TARS1: variants seen among roughly 807,000 people sequenced by gnomAD.
The protein encoded by TARS1 is threonyl-tRNA synthetase 1, also known as threonine--tRNA ligase 1, cytoplasmic.
A neutral mutation model predicts 97.7 loss-of-function variants in TARS1; 57 were observed. The ratio of observed to expected loss-of-function variants is 0.58; its 90% confidence interval spans 0.47 to 0.73. TARS1 has a LOEUF of 0.73. TARS1 is among the 30% of genes least tolerant of loss of function. TARS1 has a pLI of 0.00. For synonymous variants in TARS1, 312 were observed against 293.7 expected (o/e 1.06, Z -0.64); for missense variants, 806 against 888.3 (o/e 0.91, Z 1.18).
Position 33,441,000 on chromosome 5 carries a change from G to A in TARS1, c.-87G>A. On this transcript the variant is annotated 5_prime_UTR_variant, in exon 1 of 19. Coordinates refer to ENST00000265112, the MANE Select transcript of TARS1 (RefSeq NM_152295.5). ...GCTGGTCCAGCCGAGGCCAAGTCCCGGGCGCTAGCCCACCTCCCACCCGCC... is the reference window on the plus strand; with the variant it reads ...GCTGGTCCAGCCGAGGCCAAGTCCCAGGCGCTAGCCCACCTCCCACCCGCC... 1.3e-6 allele frequency: 2 copies of A among 1,563,726 alleles called. No individual in the cohort carries two copies. Among genetic ancestry groups the A allele is most frequent in the Non-Finnish European group, 1.8e-6 (2 of 1,140,026 alleles).
In TARS1 at chr5:33,458,681, GCTTT is replaced by G; in HGVS notation, c.1083+21_1083+24del. On this transcript the variant is annotated intron_variant, in intron 10 of 18. Coordinates refer to ENST00000265112, the MANE Select transcript of TARS1 (RefSeq NM_152295.5). ...TTCATTAGGGTAAGTCATATTTATT[GCTTT>G]CTTCTTTAGATTTAGGATATGTGAT... 6.4e-7 allele frequency: 1 copy of G among 1,572,840 alleles called. No individual in the cohort carries two copies. Among genetic ancestry groups the G allele is most frequent in the Non-Finnish European group, 8.7e-7 (1 of 1,150,748 alleles).
chr5:33,445,316 T>G lies in TARS1; in HGVS notation c.58-8T>G, dbSNP rs1466434887. On this transcript the variant is annotated splice_polypyrimidine_tract_variant and splice_region_variant and intron_variant, in intron 1 of 18. Coordinates refer to ENST00000265112, the MANE Select transcript of TARS1 (RefSeq NM_152295.5). ...GATTAAAATATAAAACGTTTTTTGC[T>G]TATTTAGATTGGTGCTGGTGAAGAG... 6.2e-7 allele frequency: 1 copy of G among 1,607,444 alleles called. No individual in the cohort carries two copies.
intron 5 of TARS1, 92 bp downstream of exon 5, chr5:33,455,158 A>G: frequency 2.0e-6 from 3 of 1,477,298 alleles, no homozygotes; most frequent in Non-Finnish European, 1.8e-6. Flanking sequence ...GGAATGATAT[A>G]GATCTCACTG....
At chr5:33,443,847 A>G (rs1275599505) in intron 1 of TARS1, among the ~76,000 whole-genome samples, 1 of 152,202 alleles carries the variant, frequency 6.6e-6, no homozygotes, top group Non-Finnish European at 1.5e-5. Flanking sequence ...CTTCTGCAGT[A>G]TAACAAAGGC....
upstream of TARS1, chr5:33,440,878 G>A: frequency 1.2e-5 from 7 of 601,944 alleles, no homozygotes; most frequent in Non-Finnish European, 2.1e-5. Context: ...TTTTCCACTG[G>A]CTTAGAGGAG....
At position 33,457,412 on chromosome 5, in the gene TARS1, A is replaced by T. The variant is rs2111560740; in HGVS notation, c.984+9A>T. ...ATAGGAAAATTGGCAGGGTATGTTC[A>T]AGAACAATGATGTGTCTTGACTGAG... On this transcript the variant is annotated intron_variant, in intron 9 of 18. Transcript: ENST00000265112. 2 of 1,613,616 alleles carry T rather than the reference A, an allele frequency of 1.2e-6. No homozygotes were observed. The highest frequency in any genetic ancestry group is 2.2e-5 in the East Asian group (1 of 44,852).
Position 33,462,091 on chromosome 5 carries a change from CT to C in TARS1, c.1731-5del, listed in dbSNP as rs781011259. 1 of 1,600,476 alleles carries C rather than the reference CT, an allele frequency of 6.2e-7. No homozygotes were observed. Among genetic ancestry groups the C allele is most frequent in the Non-Finnish European group, 8.5e-7 (1 of 1,175,658 alleles). On this transcript the variant is annotated splice_polypyrimidine_tract_variant and splice_region_variant and intron_variant, in intron 15 of 18. Coordinates refer to ENST00000265112, the MANE Select transcript of TARS1 (RefSeq NM_152295.5). ...AATAAGACAAAACAATTTTTTTTTTCTTTATAGCCATGATGGTGATGATAAG... is the reference window on the plus strand; with the variant it reads ...AATAAGACAAAACAATTTTTTTTTTCTTATAGCCATGATGGTGATGATAAG...
intron 2 of TARS1, among the ~76,000 whole-genome samples, chr5:33,448,149 C>A (rs772176108): frequency 6.6e-6 from 1 of 152,162 alleles, no homozygotes; most frequent in Non-Finnish European, 1.5e-5. Flanking sequence ...GGCTGACCCG[C>A]TGCACAGACC....
intron 8 of TARS1, 46 bp downstream of exon 8, chr5:33,456,273 A>G (rs1395432696): frequency 2.1e-6 from 3 of 1,411,770 alleles, no homozygotes; most frequent in Non-Finnish European, 3.0e-6. Flanking sequence ...TGTCTAGAAT[A>G]GATATATGTT....
chr5:33,441,100 A>G lies in TARS1; in HGVS notation c.14A>G (p.Lys5Arg), dbSNP rs1741065182. MFEEKASSPSGKMGG... is the reference protein window; with the variant it reads MFEERASSPSGKMGG... ...CGTCGTTCGCCAATGTTTGAGGAGA[A>G]GGCCAGCAGTCCTTCAGGGAAGATG... The change falls in exon 1 of 19, where the codon AAG (lysine) becomes AGG (arginine). Residue 5 changes from lysine (K) to arginine (R), a missense_variant. Physicochemically the swap from Lys to Arg is conservative, Grantham distance 26. Around this residue, in one of 3 missense-constraint regions of TARS1, gnomAD observed 356 missense variants for 357.8 expected, o/e 0.99. Coordinates refer to ENST00000265112, the MANE Select transcript of TARS1 (RefSeq NM_152295.5). 6.2e-7 allele frequency: 1 copy of G among 1,614,108 alleles called. No homozygotes were observed. The highest frequency in any genetic ancestry group is 1.3e-5 in the African/African-American group (1 of 74,938).
At chr5:33,465,399 C>T (rs1662893563) in intron 17 of TARS1, among the ~76,000 whole-genome samples, 1 of 152,176 alleles carries the variant, frequency 6.6e-6, no homozygotes, top group African/African-American at 2.4e-5. Context: ...GGGCAGTACT[C>T]CTGATACCTA....
chr5:33,446,437 T>A (rs1219238605), intron 2 of TARS1, among the ~76,000 whole-genome samples: 1 of 152,252 alleles, frequency 6.6e-6, no homozygotes, highest in Non-Finnish European at 1.5e-5. Context: ...ACATACGTGC[T>A]GTTCCATCAC....
intron 3 of TARS1, among the ~76,000 whole-genome samples, chr5:33,451,865 C>T (rs1473949961): frequency 6.6e-6 from 1 of 152,112 alleles, no homozygotes; most frequent in East Asian, 1.9e-4. Flanking sequence ...TTTATCAGTT[C>T]TTTAATCTCC....
rs146798520 is a variant in TARS1, at chr5:33,458,621, C to T, written c.1040C>T (p.Pro347Leu). The change falls in exon 10 of 19, where the codon CCA becomes CTA. Residue 347 changes from proline (P) to leucine (L), a missense_variant. By Grantham distance (98) the Pro-to-Leu change is moderately conservative. Coordinates refer to ENST00000265112, the MANE Select transcript of TARS1 (RefSeq NM_152295.5). The part of the protein sequence containing the change: ...ELSPGSCFFL[P>L]KGAYIYNALI... ...AGCCCTGGAAGTTGCTTTTTTCTGC[C>T]AAAAGGAGCCTACATTTATAATGCA... 1 of 1,613,374 alleles carries T rather than the reference C, an allele frequency of 6.2e-7. No individual in the cohort carries two copies. The highest frequency in any genetic ancestry group is 8.5e-7 in the Non-Finnish European group (1 of 1,179,742).
At chr5:33,447,241 A>ATTTTG (rs888108573) in intron 2 of TARS1, among the ~76,000 whole-genome samples, 12 of 151,930 alleles carry the variant, frequency 7.9e-5, no homozygotes, top group South Asian at 2.1e-4. Flanking sequence ...TCTCCAGTCA[A>ATTTTG]TTTTGTTTTG....
chr5:33,440,985 C>A lies in TARS1; in HGVS notation c.-102C>A. The A allele has an allele frequency of 1.4e-6, 2 of 1,479,522 alleles. No homozygotes were observed. Among genetic ancestry groups the A allele is most frequent in the South Asian group, 1.2e-5 (1 of 84,430 alleles). The allele number at this position is 1,479,522 out of a possible 1,614,324, so 91.6% of individuals were successfully genotyped here. On this transcript the variant is annotated 5_prime_UTR_variant, in exon 1 of 19. Coordinates refer to ENST00000265112, the MANE Select transcript of TARS1 (RefSeq NM_152295.5). ...CTTTCGATTGCATCAGCTGGTCCAG[C>A]CGAGGCCAAGTCCCGGGCGCTAGCC...
Position 33,461,278 on chromosome 5 carries a change from T to C in TARS1, c.1534T>C (p.Trp512Arg). 6.2e-7 allele frequency: 1 copy of C among 1,612,716 alleles called. No homozygotes were observed. Among genetic ancestry groups the C allele is most frequent in the Non-Finnish European group, 8.5e-7 (1 of 1,179,740 alleles). Residue 512 changes from tryptophan (W) to arginine (R), a missense_variant, in exon 13 of 19, where the codon TGG becomes CGG. By Grantham distance (101) the Trp-to-Arg change is moderately radical. Transcript: ENST00000265112. ...AAAATTCCTTGGAGATATCGAAGTA[T>C]GGGATCAAGCTGAGAAAGTAAGTGG... is the stretch of plus-strand genomic sequence containing the variant. ...PEKFLGDIEV[W>R]DQAEKQLENS... is the part of the protein sequence containing the mutation.
chr5:33,442,232 TCTAA>T (rs1321290514), intron 1 of TARS1, among the ~76,000 whole-genome samples: 3 of 152,126 alleles, frequency 2.0e-5, no homozygotes, highest in African/African-American at 4.8e-5. Context: ...ACGGGCACAT[TCTAA>T]CTATGTAAAT....
At chr5:33,458,520 G>T (rs755232577) in intron 9 of TARS1, 46 bp from the exon 10 acceptor site, 2 of 1,518,034 alleles carry the variant, frequency 1.3e-6, no homozygotes, top group East Asian at 2.3e-5. Flanking sequence ...ATACACACAC[G>T]TATACGTGAC....
Sources: allele counts gnomAD v4.1 joint callset (sites outside exome capture counted in the v4.1 genomes callset), GRCh38; gene constraint gnomAD v4.1.1; regional missense constraint gnomAD v4.1.1; transcripts MANE v1.5; gene names NCBI Gene and HGNC (gene_info 2026-07-23, HGNC 2026-07-21).